The following GRM1 variants were observed in gnomAD, a reference collection of about 807,000 sequenced individuals.
The protein encoded by GRM1 is metabotropic glutamate receptor 1.
In GRM1, 33 loss-of-function variants were observed where a neutral mutation model predicts 90.9. The observed-to-expected ratio is 0.36, with a 90% CI of 0.28 to 0.49. The LOEUF is 0.49. Among genes scored for constraint, GRM1 ranks in the 20% least tolerant of loss-of-function variants. The pLI is 0.99. For synonymous variants in GRM1, 700 were observed against 613.2 expected (o/e 1.14, Z -2.09); for missense variants, 1,190 against 1,534.3 (o/e 0.78, Z 3.75).
intron 3 of GRM1, among the ~76,000 whole-genome samples, chr6:146,328,049 G>C (rs1784455466): frequency 6.6e-6 from 1 of 152,050 alleles, no homozygotes; most frequent in Admixed American, 6.6e-5. Context: ...TATTTGGTCA[G>C]GGGCAGCTGC....
intron 3 of GRM1, among the ~76,000 whole-genome samples, chr6:146,317,597 T>C (rs531736865): frequency 1.4e-4 from 22 of 152,344 alleles, no homozygotes; most frequent in African/African-American, 5.1e-4. Flanking sequence ...TTAAAAATAG[T>C]TTAATGCCTT....
intron 3 of GRM1, 37 bp downstream of exon 3, chr6:146,304,883 G>A (rs751292851): frequency 7.3e-7 from 1 of 1,366,758 alleles, no homozygotes; most frequent in South Asian, 1.2e-5. Flanking sequence ...TCAGAGGTTT[G>A]GTCATCTCTT....
rs148470602 is a variant in GRM1, at chr6:146,313,366, G to A, written c.1186+8520G>A. 1.6e-3 allele frequency among the ~76,000 whole-genome samples: 236 copies of A among 152,224 alleles called. 6 individuals carry two copies. The highest frequency in any genetic ancestry group is 7.7e-4 in the East Asian group (4 of 5,184). On this transcript the variant is annotated intron_variant, in intron 3 of 7. Coordinates refer to ENST00000282753, the MANE Select transcript of GRM1 (RefSeq NM_001278064.2). ...GTTGAATGGTCTGTCATGTGGTTCAGCTTGCCTTCCAAACAAGTTTGAAGT... is the reference window on the plus strand; with the variant it reads ...GTTGAATGGTCTGTCATGTGGTTCAACTTGCCTTCCAAACAAGTTTGAAGT...
At chr6:146,283,819 C>G (rs1196540707) in intron 2 of GRM1, among the ~76,000 whole-genome samples, 1 of 152,142 alleles carries the variant, frequency 6.6e-6, no homozygotes, top group East Asian at 1.9e-4. Context: ...TTACAGGCTT[C>G]CAGGATCCAC....
intron 2 of GRM1, among the ~76,000 whole-genome samples, chr6:146,254,028 G>A (rs1457776249): frequency 6.6e-6 from 1 of 151,994 alleles, no homozygotes; most frequent in Non-Finnish European, 1.5e-5. Context: ...ACTAGATAGT[G>A]TGTATGTATA....
chr6:146,078,633 A>G (rs1776265627), intron 1 of GRM1, among the ~76,000 whole-genome samples: 1 of 152,230 alleles, frequency 6.6e-6, no homozygotes, highest in Non-Finnish European at 1.5e-5. Flanking sequence ...TTGGATACAT[A>G]TACTTGGGTA....
At chr6:146,168,511 C>T (rs1427167486) in intron 2 of GRM1, among the ~76,000 whole-genome samples, 1 of 151,870 alleles carries the variant, frequency 6.6e-6, no homozygotes, top group Non-Finnish European at 1.5e-5. Flanking sequence ...GAAAAATTAG[C>T]TTCTATATTT....
chr6:146,055,201 GA>G (rs942856270), intron 1 of GRM1, among the ~76,000 whole-genome samples: 3 of 151,942 alleles, frequency 2.0e-5, no homozygotes, highest in African/African-American at 7.2e-5. Context: ...TACTTTTTGG[GA>G]AAAATTAAGG....
chr6:146,378,020 A>G lies in GRM1; in HGVS notation c.1603-8870A>G, dbSNP rs1398013494. On this transcript the variant is annotated intron_variant, in intron 5 of 7. Coordinates refer to ENST00000282753, the MANE Select transcript of GRM1 (RefSeq NM_001278064.2). ...AAGCTGTTGCTTCAGAGGATGCAAG[A>G]CCCAAGCCTTGGTGGCTTACACATG... Among the ~76,000 whole-genome samples, 7 of 152,226 alleles carry G rather than the reference A, an allele frequency of 4.6e-5. No homozygotes were observed. In the East Asian group the frequency reaches 1.4e-3, roughly 29 times the overall value.
At chr6:146,159,732 A>T in intron 2 of GRM1, 135 bp downstream of exon 2, 5 of 769,570 alleles carry the variant, frequency 6.5e-6, no homozygotes, top group Non-Finnish European at 1.1e-5. Flanking sequence ...AGAGATGTGC[A>T]GTGCTGAGCT....
chr6:146,072,647 T>C (rs150523390), intron 1 of GRM1, among the ~76,000 whole-genome samples: 109 of 152,260 alleles, frequency 7.2e-4, no homozygotes, highest in African/African-American at 2.5e-3. Flanking sequence ...ATAGATTATA[T>C]AGGAATATAC....
At chr6:146,334,642 G>A (rs1233919835) in intron 3 of GRM1, among the ~76,000 whole-genome samples, 1 of 152,150 alleles carries the variant, frequency 6.6e-6, no homozygotes, top group Non-Finnish European at 1.5e-5. Flanking sequence ...AGACCAGAAT[G>A]CAAATCCACT....
intron 6 of GRM1, among the ~76,000 whole-genome samples, chr6:146,396,605 CACAA>C (rs1466248955): frequency 1.1e-4 from 17 of 151,970 alleles, no homozygotes; most frequent in Admixed American, 3.9e-4. Flanking sequence ...AAAACAAACA[CACAA>C]ACAAAACAGA....
intron 3 of GRM1, among the ~76,000 whole-genome samples, chr6:146,318,133 A>C (rs1261725931): frequency 1.3e-5 from 2 of 152,092 alleles, no homozygotes; most frequent in Admixed American, 6.5e-5. Flanking sequence ...TATTCCTCCT[A>C]ATGCTATCAC....
At chr6:146,423,841 G>A (rs1459830751) in intron 7 of GRM1, among the ~76,000 whole-genome samples, 7 of 152,104 alleles carry the variant, frequency 4.6e-5, no homozygotes, top group Non-Finnish European at 8.8e-5. Flanking sequence ...ATGAAAACAC[G>A]GAGCTCCTGA....
intron 3 of GRM1, among the ~76,000 whole-genome samples, chr6:146,338,104 T>C (rs1365750798): frequency 6.6e-6 from 1 of 152,238 alleles, no homozygotes; most frequent in Admixed American, 6.5e-5. Context: ...CGTTATGCAA[T>C]GCTAGAAATA....
At chr6:146,220,731 T>C (rs544026141) in intron 2 of GRM1, among the ~76,000 whole-genome samples, 2 of 152,152 alleles carry the variant, frequency 1.3e-5, no homozygotes, top group South Asian at 4.2e-4. Flanking sequence ...GTCCCTGTCC[T>C]CATAGAGTTA....
intron 1 of GRM1, among the ~76,000 whole-genome samples, chr6:146,078,622 T>C (rs889824821): frequency 6.6e-6 from 1 of 152,184 alleles, no homozygotes; most frequent in Non-Finnish European, 1.5e-5. Flanking sequence ...TATAAATATA[T>C]TTGGATACAT....
At chr6:146,345,253 A>G (rs1785139342) in intron 3 of GRM1, among the ~76,000 whole-genome samples, 1 of 152,224 alleles carries the variant, frequency 6.6e-6, no homozygotes, top group Admixed American at 6.5e-5. Context: ...TATTAATTCT[A>G]GGAAAACAGC....
Sources: allele counts gnomAD v4.1 joint callset (sites outside exome capture counted in the v4.1 genomes callset), GRCh38; gene constraint gnomAD v4.1.1; transcripts MANE v1.5; gene names NCBI Gene and HGNC (gene_info 2026-07-23, HGNC 2026-07-21).